The following PPM1L variants were observed in gnomAD, a reference collection of about 807,000 sequenced individuals.
PPM1L encodes protein phosphatase, Mg2+/Mn2+ dependent 1L.
A neutral mutation model predicts 31.4 loss-of-function variants in PPM1L; 13 were observed. The ratio of observed to expected loss-of-function variants is 0.41; its 90% CI spans 0.27 to 0.66. The LOEUF (loss-of-function observed/expected upper bound fraction) is 0.66. Among genes scored for constraint, PPM1L ranks in the 30% least tolerant of loss-of-function variants. The pLI is 0.29. For missense variants in PPM1L, 326 were observed against 453.7 expected (o/e 0.72, Z 2.56); for synonymous variants, 184 against 175.4 (o/e 1.05, Z -0.39).
intron 1 of PPM1L, among the ~76,000 whole-genome samples, chr3:160,791,309 C>G (rs1560108032): frequency 6.6e-6 from 1 of 152,058 alleles, no homozygotes; most frequent in Non-Finnish European, 1.5e-5. Flanking sequence ...CTTATTAAAC[C>G]TTTCCTAGTC....
At chr3:161,002,676 G>C (rs1198317498) in intron 2 of PPM1L, among the ~76,000 whole-genome samples, 1 of 139,646 alleles carries the variant, frequency 7.2e-6, no homozygotes, top group Non-Finnish European at 1.5e-5. Context: ...CCCACTTTTT[G>C]ATGGGGTTGT....
chr3:161,013,637 CATT>C (rs1717971164), intron 2 of PPM1L, among the ~76,000 whole-genome samples: 1 of 152,052 alleles, frequency 6.6e-6, no homozygotes, highest in African/African-American at 2.4e-5. Context: ...TAAAGTCTCC[CATT>C]ATTATTGTGT....
chr3:161,064,389 G>A (rs1719664060), intron 2 of PPM1L, among the ~76,000 whole-genome samples: 1 of 150,312 alleles, frequency 6.7e-6, no homozygotes. Flanking sequence ...AAAAAAAATC[G>A]GTCTTTTTTG....
intron 1 of PPM1L, among the ~76,000 whole-genome samples, chr3:160,885,422 G>C (rs1177622537): frequency 6.6e-6 from 1 of 152,138 alleles, no homozygotes; most frequent in Non-Finnish European, 1.5e-5. Context: ...ACATGAGGGG[G>C]GCAAGGCCAA....
At chr3:161,031,064 C>G (rs564762295) in intron 2 of PPM1L, among the ~76,000 whole-genome samples, 8 of 152,208 alleles carry the variant, frequency 5.3e-5, no homozygotes, top group Admixed American at 5.2e-4. Flanking sequence ...CCTTTATAAG[C>G]TGCTGTCACA....
intron 1 of PPM1L, among the ~76,000 whole-genome samples, chr3:160,811,908 C>T (rs933762211): frequency 6.6e-6 from 1 of 152,126 alleles, no homozygotes. Flanking sequence ...TGCAAATGGG[C>T]AAAGGGAGAA....
At chr3:160,783,450 A>G (rs1432194949) in intron 1 of PPM1L, among the ~76,000 whole-genome samples, 1 of 151,976 alleles carries the variant, frequency 6.6e-6, no homozygotes, top group Non-Finnish European at 1.5e-5. Flanking sequence ...AAATACAAAA[A>G]TTAGCCGGGC....
intron 2 of PPM1L, among the ~76,000 whole-genome samples, chr3:161,006,974 G>A (rs1463903090): frequency 6.6e-6 from 1 of 152,136 alleles, no homozygotes; most frequent in East Asian, 1.9e-4. Context: ...GAGCCACCGC[G>A]CCCGGCCCCC....
chr3:160,965,014 G>A (rs531494553), intron 2 of PPM1L, among the ~76,000 whole-genome samples: 2 of 152,154 alleles, frequency 1.3e-5, no homozygotes, highest in East Asian at 3.9e-4. Flanking sequence ...CACTTTGGGA[G>A]GCCGAGGTGG....
At chr3:160,832,824 A>T (rs528266525) in intron 1 of PPM1L, among the ~76,000 whole-genome samples, 1 of 152,010 alleles carries the variant, frequency 6.6e-6, no homozygotes, top group Non-Finnish European at 1.5e-5. Flanking sequence ...TACATATGTA[A>T]ATGTGTGTCA....
At chr3:160,914,090 A>G (rs183668833) in intron 1 of PPM1L, among the ~76,000 whole-genome samples, 1 of 152,290 alleles carries the variant, frequency 6.6e-6, no homozygotes, top group East Asian at 1.9e-4. Context: ...ATCTTTGCCA[A>G]CACTTGGCGT....
At chr3:160,777,761 C>A (rs2108064750) in intron 1 of PPM1L, among the ~76,000 whole-genome samples, 1 of 152,228 alleles carries the variant, frequency 6.6e-6, no homozygotes, top group East Asian at 1.9e-4. Context: ...TCCATTCATT[C>A]ATTCATTGAT....
intron 1 of PPM1L, among the ~76,000 whole-genome samples, chr3:160,902,639 G>A (rs1225934352): frequency 6.6e-6 from 1 of 152,084 alleles, no homozygotes; most frequent in African/African-American, 2.4e-5. Context: ...TCAAAACAAG[G>A]CCAGTGTTTT....
At chr3:160,983,948 G>A (rs1317152379) in intron 2 of PPM1L, among the ~76,000 whole-genome samples, 1 of 152,114 alleles carries the variant, frequency 6.6e-6, no homozygotes, top group Non-Finnish European at 1.5e-5. Context: ...CTTGCTTTAA[G>A]GGCAACAAAA....
At chr3:160,962,472 A>T (rs946531103) in intron 2 of PPM1L, among the ~76,000 whole-genome samples, 1 of 152,140 alleles carries the variant, frequency 6.6e-6, no homozygotes, top group Non-Finnish European at 1.5e-5. Context: ...TCTGTCAGCT[A>T]AGACCCAATT....
chr3:160,895,359 T>C (rs1235802074), intron 1 of PPM1L, among the ~76,000 whole-genome samples: 1 of 150,040 alleles, frequency 6.7e-6, no homozygotes, highest in Non-Finnish European at 1.5e-5. Flanking sequence ...ACTACAGGTG[T>C]GCACCACTGT....
At chr3:160,882,984 A>G (rs1712776851) in intron 1 of PPM1L, among the ~76,000 whole-genome samples, 1 of 152,210 alleles carries the variant, frequency 6.6e-6, no homozygotes. Context: ...TAGACACTAA[A>G]TATAGTAAAC....
chr3:160,941,800 CT>C (rs1715172322), intron 1 of PPM1L, among the ~76,000 whole-genome samples: 1 of 152,112 alleles, frequency 6.6e-6, no homozygotes, highest in African/African-American at 2.4e-5. Context: ...CATCTGCTTC[CT>C]TAAGTGATAA....
chr3:160,867,259 G>C (rs983093672), intron 1 of PPM1L, among the ~76,000 whole-genome samples: 23 of 149,570 alleles, frequency 1.5e-4, no homozygotes, highest in African/African-American at 4.9e-4. Context: ...TGTAGCCTTA[G>C]TTGATTTAAC....
Sources: allele counts gnomAD v4.1 joint callset (sites outside exome capture counted in the v4.1 genomes callset), GRCh38; gene constraint gnomAD v4.1.1; transcripts MANE v1.5; gene names NCBI Gene and HGNC (gene_info 2026-07-23, HGNC 2026-07-21).